The following SLC16A12 variants were observed in gnomAD, a reference collection of about 807,000 sequenced individuals.
SLC16A12 encodes the protein solute carrier family 16 member 12, also known as monocarboxylate transporter 12.
SLC16A12 carries 17 observed loss-of-function variants against 42.4 expected under a neutral mutation model. That is an observed-to-expected ratio of 0.40 (90% CI 0.27 to 0.60). The LOEUF is 0.60. SLC16A12 is among the 20% of genes least tolerant of loss of function. The pLI, the probability that SLC16A12 is intolerant of heterozygous loss-of-function variation, is 0.42. For synonymous variants in SLC16A12, 224 were observed against 229.4 expected (o/e 0.98, Z 0.21); for missense variants, 544 against 623.0 (o/e 0.87, Z 1.35).
At chr10:89,533,014 A>G (rs12414643) in intron 2 of SLC16A12, among the ~76,000 whole-genome samples, 7,357 of 152,344 alleles carry the variant, frequency 0.048, 386 homozygotes, top group East Asian at 0.29. Context: ...ATCTCCCTGC[A>G]ATAAAGGAAA....
Position 89,433,239 on chromosome 10 carries a change from A to C in SLC16A12, c.1376T>G (p.Phe459Cys). 6.2e-7 allele frequency: 1 copy of C among 1,614,248 alleles called. No homozygotes were observed. Among genetic ancestry groups the C allele is most frequent in the Non-Finnish European group, 8.5e-7 (1 of 1,180,036 alleles). Residue 459 changes from phenylalanine to cysteine, a missense_variant, in exon 8 of 8, where the codon TTT becomes TGT. Transcript: ENST00000371790. ...TCTCATTCTCTTTATAAGTCTAGCA[A>C]AGCCAAGCAACACAGAACTAAATAT... Reference protein sequence around the residue: ...SMIFSSVLLGFARLIKRMRKT... With the variant: ...SMIFSSVLLGCARLIKRMRKT...
intron 2 of SLC16A12, among the ~76,000 whole-genome samples, chr10:89,526,119 C>T (rs1421019800): frequency 6.6e-6 from 1 of 151,996 alleles, no homozygotes; most frequent in Non-Finnish European, 1.5e-5. Flanking sequence ...TCCTCTGACC[C>T]CATCATGCTA....
Position 89,443,679 on chromosome 10 carries a change from C to G in SLC16A12, c.304+77G>C, listed in dbSNP as rs942391212. On this transcript the variant is annotated intron_variant, in intron 4 of 7. Transcript: ENST00000371790. ...CCTTCTACTTAGGAAAACTAGTAAT[C>G]AAAGTCAGTGGAATGTCATTGTCAT... is the stretch of plus-strand genomic sequence containing the variant. The G allele has an allele frequency of 4.7e-6, 5 of 1,065,432 alleles. No individual in the cohort carries two copies. In the African/African-American group the frequency reaches 7.8e-5, roughly 17 times the overall value. 66.0% of individuals were successfully genotyped at this position (1,065,432 alleles called of 1,614,324 possible).
At chr10:89,433,389 A>G in intron 7 of SLC16A12, 63 bp from the exon 8 acceptor site, 3 of 1,539,312 alleles carry the variant, frequency 1.9e-6, no homozygotes, top group Non-Finnish European at 2.7e-6. Context: ...ACCCACTCTC[A>G]AATTCTAATG....
intron 2 of SLC16A12, among the ~76,000 whole-genome samples, chr10:89,487,252 A>G (rs1381518342): frequency 6.6e-6 from 1 of 152,140 alleles, no homozygotes; most frequent in East Asian, 1.9e-4. Context: ...CAAAAAGAGA[A>G]CTCAAATTTT....
intron 2 of SLC16A12, among the ~76,000 whole-genome samples, chr10:89,511,884 A>G (rs1224558938): frequency 2.0e-5 from 3 of 152,218 alleles, no homozygotes; most frequent in Non-Finnish European, 4.4e-5. Flanking sequence ...CACATTATTA[A>G]CAATAGCCCC....
intron 7 of SLC16A12, among the ~76,000 whole-genome samples, chr10:89,435,704 CCT>C (rs886946986): frequency 6.6e-6 from 1 of 152,130 alleles, no homozygotes; most frequent in Non-Finnish European, 1.5e-5. Flanking sequence ...CCCACTGCCC[CCT>C]GTTGGAATCC....
chr10:89,472,598 T>C (rs937552430), intron 2 of SLC16A12, among the ~76,000 whole-genome samples: 2 of 149,650 alleles, frequency 1.3e-5, no homozygotes, highest in African/African-American at 4.9e-5. Context: ...GTTCAAGTGA[T>C]TCTCCTGCCT....
At chr10:89,486,589 CT>C (rs1402511476) in intron 2 of SLC16A12, among the ~76,000 whole-genome samples, 2 of 37,902 alleles carry the variant, frequency 5.3e-5, no homozygotes, top group African/African-American at 1.8e-4. Flanking sequence ...GAAACCTTGT[CT>C]CAAAAAAAAA....
At chr10:89,479,661 G>A (rs559606145) in intron 2 of SLC16A12, among the ~76,000 whole-genome samples, 1 of 152,266 alleles carries the variant, frequency 6.6e-6, no homozygotes, top group South Asian at 2.1e-4. Flanking sequence ...CGGAGTTGTT[G>A]AGAAAATGAA....
At chr10:89,555,678 C>CATATATATACAGATAT (rs1564607565) in intron 2 of SLC16A12, among the ~76,000 whole-genome samples, 70 of 128,248 alleles carry the variant, frequency 5.5e-4, no homozygotes, top group Middle Eastern at 4.4e-3. Context: ...CACATATATA[C>CATATATATACAGATAT]GTATATACAC....
intron 2 of SLC16A12, among the ~76,000 whole-genome samples, chr10:89,552,728 C>T (rs1474640215): frequency 6.6e-6 from 1 of 152,036 alleles, no homozygotes; most frequent in Non-Finnish European, 1.5e-5. Context: ...GATAATCGGC[C>T]CTGCCCTAAC....
chr10:89,446,526 A>G (rs1842004491), intron 3 of SLC16A12, among the ~76,000 whole-genome samples: 1 of 152,222 alleles, frequency 6.6e-6, no homozygotes, highest in Non-Finnish European at 1.5e-5. Context: ...TAAGTGAAGG[A>G]GAAATAAAAT....
intron 2 of SLC16A12, among the ~76,000 whole-genome samples, chr10:89,555,698 C>CATATATATAT (rs57404736): frequency 1.4e-4 from 18 of 124,662 alleles, no homozygotes; most frequent in African/African-American, 5.3e-4. Context: ...CACATATATA[C>CATATATATAT]ATATATATAT....
chr10:89,526,777 C>T (rs1045326704), intron 2 of SLC16A12, among the ~76,000 whole-genome samples: 15 of 152,082 alleles, frequency 9.9e-5, no homozygotes, highest in Non-Finnish European at 5.9e-5. Context: ...TGCCCTCATG[C>T]CCTGTAACAC....
intron 2 of SLC16A12, among the ~76,000 whole-genome samples, chr10:89,499,282 C>T (rs568733406): frequency 2.0e-5 from 3 of 152,294 alleles, no homozygotes; most frequent in East Asian, 1.9e-4. Flanking sequence ...AAGCTGGGCA[C>T]GGTGGCTCTT....
At chr10:89,481,837 C>T (rs1842668827) in intron 2 of SLC16A12, among the ~76,000 whole-genome samples, 1 of 152,078 alleles carries the variant, frequency 6.6e-6, no homozygotes, top group Non-Finnish European at 1.5e-5. Flanking sequence ...GACAACTGCA[C>T]TACACAGAAT....
intron 3 of SLC16A12, among the ~76,000 whole-genome samples, chr10:89,461,175 G>A (rs940372886): frequency 2.0e-5 from 3 of 152,174 alleles, no homozygotes; most frequent in Non-Finnish European, 4.4e-5. Flanking sequence ...TGAGATGGAT[G>A]AGTCTTAATG....
chr10:89,532,129 A>G (rs966034335), intron 2 of SLC16A12, among the ~76,000 whole-genome samples: 6 of 152,270 alleles, frequency 3.9e-5, no homozygotes, highest in Admixed American at 6.5e-5. Flanking sequence ...GTAGAAGTTC[A>G]ATAAATATTC....
Sources: allele counts gnomAD v4.1 joint callset (sites outside exome capture counted in the v4.1 genomes callset), GRCh38; gene constraint gnomAD v4.1.1; transcripts MANE v1.5; gene names NCBI Gene and HGNC (gene_info 2026-07-23, HGNC 2026-07-21).